The following FNBP1 variants were observed in gnomAD, a reference collection of about 807,000 sequenced individuals.
FNBP1 encodes formin-binding protein 1.
A neutral mutation model predicts 90.6 loss-of-function variants in FNBP1; 26 were observed. The ratio of observed to expected loss-of-function variants is 0.29; its 90% CI spans 0.21 to 0.40. The LOEUF (loss-of-function observed/expected upper bound fraction) is 0.40, where lower values mean the gene tolerates loss of function less well. Among genes scored for constraint, FNBP1 ranks in the 10% least tolerant of loss-of-function variants. FNBP1 has a pLI of 1.00. For synonymous variants in FNBP1, 260 were observed against 265.2 expected (o/e 0.98, Z 0.19); for missense variants, 635 against 768.0 (o/e 0.83, Z 2.05).
In FNBP1 at chr9:129,895,974, G is replaced by T; in HGVS notation, c.1710C>A (p.Ser570=). ...TFEGQNEGTI[S]VVEGETLYVI... ...CATACAATGTTTCTCCTTCAACTAC[G>T]GAAATCGTTCCTTCATTCTGACCTG... Residue 570 remains serine, a synonymous_variant, in exon 16 of 17, where the codon TCC becomes TCA. Transcript: ENST00000446176. 1 of 1,609,174 alleles carries T rather than the reference G, an allele frequency of 6.2e-7. No homozygotes were observed. Among genetic ancestry groups the T allele is most frequent in the Non-Finnish European group, 8.5e-7 (1 of 1,178,406 alleles).
chr9:130,043,931 T>A (rs1366106109), upstream of FNBP1, among the ~76,000 whole-genome samples: 1 of 152,176 alleles, frequency 6.6e-6, no homozygotes, highest in African/African-American at 2.4e-5. Flanking sequence ...AGGCGGACAA[T>A]TGCTCCACCT....
At chr9:129,979,427 T>C in intron 2 of FNBP1, 53 bp from the exon 3 acceptor site, 3 of 1,306,146 alleles carry the variant, frequency 2.3e-6, no homozygotes, top group Non-Finnish European at 3.3e-6. Context: ...AATTAAGAAA[T>C]CAGGAATGAA....
At chr9:130,009,161 G>C (rs1237305769) in intron 1 of FNBP1, among the ~76,000 whole-genome samples, 1 of 152,170 alleles carries the variant, frequency 6.6e-6, no homozygotes, top group East Asian at 1.9e-4. Flanking sequence ...CTGAAACTTA[G>C]TTAACACCAA....
chr9:129,921,902 T>A (rs1321346385), intron 10 of FNBP1, among the ~76,000 whole-genome samples: 2 of 152,184 alleles, frequency 1.3e-5, no homozygotes, highest in South Asian at 2.1e-4. Flanking sequence ...AAGGATGGCA[T>A]CCACCTCTGG....
intron 15 of FNBP1, among the ~76,000 whole-genome samples, chr9:129,897,658 C>T (rs1390040506): frequency 3.9e-5 from 6 of 151,912 alleles, no homozygotes; most frequent in East Asian, 1.9e-4. Flanking sequence ...TGCAGTGGTA[C>T]GATCATAGCT....
intron 6 of FNBP1, among the ~76,000 whole-genome samples, chr9:129,947,238 C>A (rs772945350): frequency 6.6e-6 from 1 of 151,928 alleles, no homozygotes; most frequent in East Asian, 1.9e-4. Context: ...GTCAGGAGAT[C>A]GAGACCAGTC....
chr9:130,005,836 A>G (rs2131559139), intron 1 of FNBP1, among the ~76,000 whole-genome samples: 1 of 152,288 alleles, frequency 6.6e-6, no homozygotes, highest in South Asian at 2.1e-4. Flanking sequence ...TAGGAATAGA[A>G]GGTTTATTTC....
intron 1 of FNBP1, among the ~76,000 whole-genome samples, chr9:130,014,503 C>T (rs746202332): frequency 2.0e-5 from 3 of 152,072 alleles, no homozygotes; most frequent in African/African-American, 4.8e-5. Flanking sequence ...CCACCTGCCT[C>T]GGCCCCCCAA....
intron 2 of FNBP1, among the ~76,000 whole-genome samples, 176 bp from the exon 3 acceptor site, chr9:129,979,550 C>T (rs770617440): frequency 3.9e-5 from 6 of 152,212 alleles, no homozygotes; most frequent in East Asian, 1.9e-4. Flanking sequence ...TTATTAAGAA[C>T]GTGCACAGCT....
At chr9:130,035,718 G>A (rs1589411501) in intron 1 of FNBP1, among the ~76,000 whole-genome samples, 1 of 152,248 alleles carries the variant, frequency 6.6e-6, no homozygotes, top group African/African-American at 2.4e-5. Flanking sequence ...AGGCCAAGGC[G>A]GGTGGATCAC....
chr9:129,947,669 C>G (rs1449887935), intron 6 of FNBP1, among the ~76,000 whole-genome samples: 1 of 150,938 alleles, frequency 6.6e-6, no homozygotes, highest in African/African-American at 2.4e-5. Context: ...GCTGCCCAGG[C>G]TGGAGTAAAA....
At position 130,041,696 on chromosome 9, in the gene FNBP1, C is replaced by T. The variant is rs1474467514; in HGVS notation, c.24+1256G>A. On this transcript the variant is annotated intron_variant, in intron 1 of 16. Coordinates refer to ENST00000446176, the MANE Select transcript of FNBP1 (RefSeq NM_015033.3). The surrounding 1 kb of genome is among the most constrained non-coding windows in gnomAD (Gnocchi z 4.3). ...ATCTTAATTTAAGGGAGCTATTGCC[C>T]TCAGGATTTTGGTAATAACAACCGT... Among the ~76,000 whole-genome samples, 1 of 152,106 alleles carries T rather than the reference C, an allele frequency of 6.6e-6. No individual in the cohort carries two copies. The highest frequency in any genetic ancestry group is 1.5e-5 in the Non-Finnish European group (1 of 68,024).
At chr9:130,044,466 GAAA>G (rs33931674), upstream of FNBP1, among the ~76,000 whole-genome samples, 5 of 150,142 alleles carry the variant, frequency 3.3e-5, no homozygotes, top group Non-Finnish European at 5.9e-5. Flanking sequence ...TCTACAAAAA[GAAA>G]AAAAAAAAAG....
intron 1 of FNBP1, among the ~76,000 whole-genome samples, chr9:130,032,225 G>A (rs1433238365): frequency 6.6e-6 from 1 of 151,280 alleles, no homozygotes; most frequent in Non-Finnish European, 1.5e-5. Flanking sequence ...GGAGTGCAAT[G>A]GCACAAATAC....
rs1372812581 is a variant in FNBP1, at chr9:130,018,071, G to A, written c.25-23113C>T. 3.3e-5 allele frequency among the ~76,000 whole-genome samples: 5 copies of A among 150,780 alleles called. No individual in the cohort carries two copies. The South Asian group carries it at 6.3e-4, about 19-fold the overall frequency. On this transcript the variant is annotated intron_variant, in intron 1 of 16. Coordinates refer to ENST00000446176, the MANE Select transcript of FNBP1 (RefSeq NM_015033.3). ...TGGGACTACAGGCACCTGCCACCAC[G>A]CCTGGCTAATTTTTTAATATTTTTA...
In FNBP1 at chr9:129,979,307, G is replaced by A; in HGVS notation, c.197+11C>T. The A allele has an allele frequency of 1.3e-6, 2 of 1,557,190 alleles. No homozygotes were observed. Among genetic ancestry groups the A allele is most frequent in the Non-Finnish European group, 1.8e-6 (2 of 1,130,604 alleles). On this transcript the variant is annotated intron_variant, in intron 3 of 16. Transcript: ENST00000446176. ...TGTCTATTACAAGACAATTTTCAAT[G>A]GTAAACATACTTGTATTCTTCTTCC...
At chr9:129,986,658 C>G (rs1394613108) in intron 2 of FNBP1, among the ~76,000 whole-genome samples, 1 of 151,550 alleles carries the variant, frequency 6.6e-6, no homozygotes, top group Non-Finnish European at 1.5e-5. Flanking sequence ...GGCGTGGTGG[C>G]GGGCGCCTGT....
intron 6 of FNBP1, among the ~76,000 whole-genome samples, chr9:129,942,968 T>C (rs1225315057): frequency 6.6e-6 from 1 of 152,106 alleles, no homozygotes; most frequent in Non-Finnish European, 1.5e-5. Flanking sequence ...GCTAGAATTA[T>C]AGGCATGAGC....
chr9:129,916,045 A>C lies in FNBP1; in HGVS notation c.1171-65T>G, dbSNP rs186870153. 2.9e-4 allele frequency: 339 copies of C among 1,175,830 alleles called. No individual in the cohort carries two copies. In the African/African-American group the frequency reaches 4.5e-3, roughly 16 times the overall value. The allele number at this position is 1,175,830 out of a possible 1,614,324, so 72.8% of individuals were successfully genotyped here. The stretch of plus-strand genomic sequence containing the variant: ...GAAAGAGAGAGAGAAAGAGAAAAAA[A>C]AACAACAACACATCAGAAGAAGAGG... On this transcript the variant is annotated intron_variant, in intron 10 of 16. Coordinates refer to ENST00000446176, the MANE Select transcript of FNBP1 (RefSeq NM_015033.3).
Sources: gnomAD v4.1 joint callset for allele counts (sites outside exome capture counted in the v4.1 genomes callset) on GRCh38, gnomAD v4.1.1 for gene constraint, Gnocchi (gnomAD v3.1) non-coding constraint, MANE v1.5 for transcripts, NCBI Gene and HGNC (gene_info 2026-07-23, HGNC 2026-07-21) for gene names.